ZFAND3: variants seen among roughly 807,000 people sequenced by gnomAD.
The protein encoded by ZFAND3 is AN1-type zinc finger protein 3.
A neutral mutation model predicts 29.6 loss-of-function variants in ZFAND3; 10 were observed. The observed-to-expected ratio is 0.34, with a 90% CI of 0.21 to 0.57. ZFAND3 has a LOEUF of 0.57. Among genes scored for constraint, ZFAND3 ranks in the 20% least tolerant of loss-of-function variants. The pLI, the probability that ZFAND3 is intolerant of heterozygous loss-of-function variation, is 0.86. For missense variants in ZFAND3, 230 were observed against 304.5 expected (o/e 0.76, Z 1.82); for synonymous variants, 128 against 112.6 (o/e 1.14, Z -0.87).
intron 1 of ZFAND3, among the ~76,000 whole-genome samples, chr6:37,894,427 C>T (rs1321646605): frequency 1.3e-5 from 2 of 151,604 alleles, no homozygotes; most frequent in East Asian, 1.9e-4. Context: ...GGAGTGCAGC[C>T]GTGTGATCAT....
intron 4 of ZFAND3, among the ~76,000 whole-genome samples, chr6:38,099,905 A>G (rs1393675737): frequency 1.3e-5 from 2 of 152,228 alleles, no homozygotes; most frequent in African/African-American, 4.8e-5. Context: ...AGAAAGCTGT[A>G]TGCAGGGAGA....
intron 1 of ZFAND3, among the ~76,000 whole-genome samples, chr6:37,920,723 T>C (rs1473762895): frequency 6.6e-6 from 1 of 152,226 alleles, no homozygotes; most frequent in African/African-American, 2.4e-5. Context: ...CATTGTAATA[T>C]TTCCTTAAAA....
intron 2 of ZFAND3, among the ~76,000 whole-genome samples, chr6:38,038,758 T>C (rs1232431900): frequency 6.6e-6 from 1 of 152,172 alleles, no homozygotes; most frequent in Non-Finnish European, 1.5e-5. Context: ...ACCAAATAAC[T>C]TTAGTCTTCA....
At chr6:37,885,633 G>A (rs1764976584) in intron 1 of ZFAND3, among the ~76,000 whole-genome samples, 1 of 152,168 alleles carries the variant, frequency 6.6e-6, no homozygotes. Flanking sequence ...GACAGAGCAA[G>A]ACTCTGTCTC....
intron 4 of ZFAND3, among the ~76,000 whole-genome samples, chr6:38,095,087 C>T (rs1273484918): frequency 6.6e-6 from 1 of 152,090 alleles, no homozygotes; most frequent in Admixed American, 6.5e-5. Context: ...ATTGAAAGCC[C>T]AATATATGAC....
chr6:37,917,189 G>T (rs1292753883), intron 1 of ZFAND3, among the ~76,000 whole-genome samples: 6 of 152,168 alleles, frequency 3.9e-5, no homozygotes, highest in African/African-American at 1.4e-4. Flanking sequence ...TCTGCTGGGA[G>T]TCTTGAAATG....
At chr6:38,029,185 T>TA (rs1428106411) in intron 2 of ZFAND3, among the ~76,000 whole-genome samples, 1 of 152,210 alleles carries the variant, frequency 6.6e-6, no homozygotes, top group Non-Finnish European at 1.5e-5. Context: ...TCATCTTATT[T>TA]AAATAGTACA....
intron 1 of ZFAND3, among the ~76,000 whole-genome samples, chr6:37,928,814 G>A (rs957776803): frequency 6.6e-6 from 1 of 152,178 alleles, no homozygotes; most frequent in African/African-American, 2.4e-5. Context: ...CACCGTGCCT[G>A]GCCAGAAAAG....
chr6:37,977,825 G>GGTTTTT (rs1762508960), intron 2 of ZFAND3, among the ~76,000 whole-genome samples: 1 of 4,224 alleles, frequency 2.4e-4, no homozygotes, highest in Non-Finnish European at 9.7e-4. Flanking sequence ...TTTGTAAAAT[G>GGTTTTT]CTTTTCCTTC....
intron 2 of ZFAND3, among the ~76,000 whole-genome samples, chr6:38,012,851 A>G (rs73417962): frequency 0.027 from 4,134 of 152,204 alleles, 179 homozygotes; most frequent in African/African-American, 0.093. Flanking sequence ...TTAAGTGTAC[A>G]TCAGGAGGGG....
At chr6:37,972,551 A>G (rs555025834) in intron 2 of ZFAND3, among the ~76,000 whole-genome samples, 1 of 152,332 alleles carries the variant, frequency 6.6e-6, no homozygotes, top group African/African-American at 2.4e-5. Context: ...CTTACCAGGT[A>G]TGATTTGAAA....
chr6:38,005,149 G>A (rs915243357), intron 2 of ZFAND3, among the ~76,000 whole-genome samples: 1 of 152,190 alleles, frequency 6.6e-6, no homozygotes, highest in Admixed American at 6.5e-5. Flanking sequence ...GATTTGCAGA[G>A]AGTCTCTGAT....
intron 2 of ZFAND3, among the ~76,000 whole-genome samples, chr6:37,996,279 G>A (rs1040658288): frequency 3.9e-5 from 6 of 152,120 alleles, no homozygotes; most frequent in African/African-American, 1.4e-4. Context: ...TAGTCTCACA[G>A]TATTTCTCTT....
intron 1 of ZFAND3, 25 bp downstream of exon 1, chr6:37,820,041 GGGGGGC>G: frequency 1.1e-6 from 1 of 869,940 alleles, no homozygotes; most frequent in Non-Finnish European, 1.4e-6. Context: ...GGGTGGGGGC[GGGGGGC>G]GGGGGCCGGG....
At chr6:38,064,152 A>C (rs1433871766) in intron 3 of ZFAND3, among the ~76,000 whole-genome samples, 2 of 152,202 alleles carry the variant, frequency 1.3e-5, no homozygotes, top group African/African-American at 4.8e-5. Flanking sequence ...CCCTTGGGTT[A>C]AGAACTCCTG....
chr6:38,082,254 C>T (rs577432952), intron 3 of ZFAND3, 138 bp from the exon 4 acceptor site: 5 of 708,058 alleles, frequency 7.1e-6, no homozygotes, highest in East Asian at 2.8e-5. Flanking sequence ...CCACCACCAC[C>T]GTCTTTCCTA....
intron 1 of ZFAND3, among the ~76,000 whole-genome samples, chr6:37,868,801 C>T (rs147099866): frequency 6.6e-5 from 10 of 152,304 alleles, no homozygotes; most frequent in African/African-American, 2.2e-4. Flanking sequence ...TTTTTGCATA[C>T]GTGCTCATGT....
At chr6:37,997,435 G>A (rs1762870265) in intron 2 of ZFAND3, among the ~76,000 whole-genome samples, 2 of 152,154 alleles carry the variant, frequency 1.3e-5, no homozygotes, top group African/African-American at 4.8e-5. Flanking sequence ...AATTATGATG[G>A]ATTTGTCATT....
intron 2 of ZFAND3, among the ~76,000 whole-genome samples, chr6:37,989,348 G>T (rs976919967): frequency 5.9e-5 from 9 of 152,148 alleles, no homozygotes; most frequent in African/African-American, 1.9e-4. Context: ...ACTACTGAAG[G>T]CTGGGAAGTC....
Sources: gnomAD v4.1 joint callset for allele counts (sites outside exome capture counted in the v4.1 genomes callset) on GRCh38, gnomAD v4.1.1 for gene constraint, MANE v1.5 for transcripts, NCBI Gene and HGNC (gene_info 2026-07-23, HGNC 2026-07-21) for gene names.